HS6ST3: variants seen among roughly 807,000 people sequenced by gnomAD.
The protein encoded by HS6ST3 is heparan-sulfate 6-O-sulfotransferase 3.
A neutral mutation model predicts 36.7 loss-of-function variants in HS6ST3; 12 were observed. That is an observed-to-expected ratio of 0.33 (90% CI 0.21 to 0.53). The LOEUF is 0.53. Ranked by LOEUF, HS6ST3 falls within the 20% of genes least tolerant of loss-of-function variation. The pLI is 0.95. For missense variants in HS6ST3, 584 were observed against 640.9 expected, an observed-to-expected ratio of 0.91 and a Z score of 0.96; for synonymous variants, 240 against 257.5, an observed-to-expected ratio of 0.93 and a Z score of 0.65.
At chr13:96,790,763 A>G (rs972885634) in intron 1 of HS6ST3, among the ~76,000 whole-genome samples, 11 of 152,070 alleles carry the variant, frequency 7.2e-5, no homozygotes, top group Non-Finnish European at 1.3e-4. Flanking sequence ...AGGTTTGCAT[A>G]ATATGTCTCG....
At chr13:96,477,951 C>A (rs1479128336) in intron 1 of HS6ST3, among the ~76,000 whole-genome samples, 1 of 151,988 alleles carries the variant, frequency 6.6e-6, no homozygotes, top group Admixed American at 6.6e-5. Context: ...ACACAAAAAA[C>A]CGAAAGCTAA....
At chr13:96,572,457 A>G (rs931440909) in intron 1 of HS6ST3, among the ~76,000 whole-genome samples, 4 of 152,202 alleles carry the variant, frequency 2.6e-5, no homozygotes, top group Admixed American at 1.3e-4. Context: ...CCATTTGCAT[A>G]TAAACAATTT....
At chr13:96,286,098 C>T (rs1253040844) in intron 1 of HS6ST3, among the ~76,000 whole-genome samples, 1 of 148,614 alleles carries the variant, frequency 6.7e-6, no homozygotes, top group East Asian at 2.1e-4. Flanking sequence ...GTTCTGTTTT[C>T]CTTGGTGTTG....
At chr13:96,643,172 A>G (rs2056576140) in intron 1 of HS6ST3, among the ~76,000 whole-genome samples, 2 of 151,964 alleles carry the variant, frequency 1.3e-5, no homozygotes, top group African/African-American at 4.8e-5. Context: ...TGGTCAGCTA[A>G]TGATTGGAAA....
At chr13:96,330,246 G>T (rs2055058174) in intron 1 of HS6ST3, among the ~76,000 whole-genome samples, 1 of 151,378 alleles carries the variant, frequency 6.6e-6, no homozygotes, top group Non-Finnish European at 1.5e-5. Context: ...TGGTGATTTT[G>T]CTCGTTAGTT....
chr13:96,586,576 A>G (rs2056362409), intron 1 of HS6ST3, among the ~76,000 whole-genome samples: 1 of 152,172 alleles, frequency 6.6e-6, no homozygotes, highest in Non-Finnish European at 1.5e-5. Flanking sequence ...GATTACAGGC[A>G]TTAGCCACCA....
At chr13:96,296,521 C>T (rs1182543798) in intron 1 of HS6ST3, among the ~76,000 whole-genome samples, 3 of 152,120 alleles carry the variant, frequency 2.0e-5, no homozygotes, top group African/African-American at 7.2e-5. Flanking sequence ...TACAGAACAA[C>T]GGTGAGAAAA....
chr13:96,398,715 C>T (rs535996825), intron 1 of HS6ST3, among the ~76,000 whole-genome samples: 3 of 152,332 alleles, frequency 2.0e-5, no homozygotes, highest in Non-Finnish European at 2.9e-5. Context: ...CCACTACCCT[C>T]GAGCAAGAGG....
chr13:96,520,204 A>G (rs575347073), intron 1 of HS6ST3, among the ~76,000 whole-genome samples: 4 of 152,008 alleles, frequency 2.6e-5, no homozygotes, highest in African/African-American at 9.7e-5. Context: ...GTTCTCTTCC[A>G]TTGGTCTGTA....
At chr13:96,412,067 C>T (rs28622381) in intron 1 of HS6ST3, among the ~76,000 whole-genome samples, 8 of 151,874 alleles carry the variant, frequency 5.3e-5, no homozygotes, top group South Asian at 2.1e-4. Flanking sequence ...TGCAGTGGTG[C>T]GATCTCGGCT....
intron 1 of HS6ST3, among the ~76,000 whole-genome samples, chr13:96,219,198 A>T (rs560183872): frequency 5.9e-5 from 9 of 152,316 alleles, no homozygotes; most frequent in Admixed American, 4.6e-4. Context: ...TTTCAAAAAA[A>T]TTTTAAATTA....
intron 1 of HS6ST3, among the ~76,000 whole-genome samples, chr13:96,752,978 C>T (rs1284211507): frequency 6.6e-6 from 1 of 151,978 alleles, no homozygotes; most frequent in Non-Finnish European, 1.5e-5. Context: ...ATATTGTTTC[C>T]CCCACATATC....
chr13:96,092,883 G>T (rs535800529), intron 1 of HS6ST3, among the ~76,000 whole-genome samples: 2 of 152,188 alleles, frequency 1.3e-5, no homozygotes, highest in East Asian at 3.9e-4. Context: ...ATAAGAAACT[G>T]GATTTGGAAT....
At position 96,636,391 on chromosome 13, in the gene HS6ST3, A is replaced by T. The variant is rs1336099; in HGVS notation, c.708-196099A>T. Among the ~76,000 whole-genome samples, 1,162 of 152,252 alleles carry T rather than the reference A, an allele frequency of 7.6e-3. 18 individuals are homozygous for T. Among genetic ancestry groups the T allele is most frequent in the African/African-American group, 0.027 (1,109 of 41,550 alleles). Reference sequence around the variant, plus strand: ...CATCATTTTTATATCTGCACTTCATACCTACTGACTTTGGATGAAGTTGCC... The same window carrying T: ...CATCATTTTTATATCTGCACTTCATTCCTACTGACTTTGGATGAAGTTGCC... On this transcript the variant is annotated intron_variant, in intron 1 of 1. Coordinates refer to ENST00000376705, the MANE Select transcript of HS6ST3 (RefSeq NM_153456.4).
At chr13:96,567,079 A>G (rs1404845669) in intron 1 of HS6ST3, among the ~76,000 whole-genome samples, 3 of 152,148 alleles carry the variant, frequency 2.0e-5, no homozygotes, top group African/African-American at 4.8e-5. Context: ...TTTCCTATTA[A>G]TGATACCATT....
At chr13:96,812,474 A>G (rs557800605) in intron 1 of HS6ST3, among the ~76,000 whole-genome samples, 9 of 152,268 alleles carry the variant, frequency 5.9e-5, no homozygotes, top group South Asian at 2.1e-4. Context: ...AAACACACCA[A>G]TGTAGACATG....
intron 1 of HS6ST3, among the ~76,000 whole-genome samples, chr13:96,790,819 C>T (rs1186026218): frequency 6.6e-6 from 1 of 152,032 alleles, no homozygotes; most frequent in East Asian, 1.9e-4. Context: ...AATGCCCAGC[C>T]TTGATTCAGA....
intron 1 of HS6ST3, among the ~76,000 whole-genome samples, chr13:96,813,955 T>C (rs925289519): frequency 6.6e-6 from 1 of 152,238 alleles, no homozygotes; most frequent in Non-Finnish European, 1.5e-5. Flanking sequence ...TTCTAGGAGT[T>C]GCTAATTGTC....
At chr13:96,763,017 A>C (rs975037554) in intron 1 of HS6ST3, among the ~76,000 whole-genome samples, 1 of 152,184 alleles carries the variant, frequency 6.6e-6, no homozygotes, top group Non-Finnish European at 1.5e-5. Context: ...TCCTTGTTCA[A>C]AAGGTGATTT....
Sources: allele counts gnomAD v4.1 joint callset (sites outside exome capture counted in the v4.1 genomes callset), GRCh38; gene constraint gnomAD v4.1.1; transcripts MANE v1.5; gene names NCBI Gene and HGNC (gene_info 2026-07-23, HGNC 2026-07-21).